Variants in AQR observed in about 807,000 individuals in gnomAD.
The protein encoded by AQR is aquarius intron-binding spliceosomal factor.
In AQR, 61 loss-of-function variants were observed where a neutral mutation model predicts 180.5. The observed-to-expected ratio is 0.34, with a 90% CI of 0.28 to 0.42. The LOEUF (loss-of-function observed/expected upper bound fraction) is 0.42, where lower values mean the gene tolerates loss of function less well. Among genes scored for constraint, AQR ranks in the 10% least tolerant of loss-of-function variants. The pLI is 1.00. For synonymous variants in AQR, 551 were observed against 588.8 expected, an observed-to-expected ratio of 0.94 and a Z score of 0.93; for missense variants, 1,281 against 1,798.3, an observed-to-expected ratio of 0.71 and a Z score of 5.20.
chr15:34,856,694 G>C lies in AQR; in HGVS notation c.*98C>G, dbSNP rs1178295050. The C allele has an allele frequency of 8.0e-6, 8 of 1,003,580 alleles. No homozygotes were observed. The highest frequency in any genetic ancestry group is 9.8e-6 in the Non-Finnish European group (7 of 714,442). 62.2% of individuals were successfully genotyped at this position (1,003,580 alleles called of 1,614,324 possible). On this transcript the variant is annotated 3_prime_UTR_variant, in exon 35 of 35. Coordinates refer to ENST00000156471, the MANE Select transcript of AQR (RefSeq NM_014691.3). ...AAATATAAGAACTAAACATTAATTA[G>C]TGACAGTAAAATGGCAGAAGCAAAT... is the stretch of plus-strand genomic sequence containing the variant.
At position 34,946,712 on chromosome 15, in the gene AQR, G is replaced by A. The variant is rs569810761; in HGVS notation, c.330+1552C>T. 1.9e-3 allele frequency among the ~76,000 whole-genome samples: 264 copies of A among 142,474 alleles called. 1 individual carries two copies. The highest frequency in any genetic ancestry group is 3.1e-3 in the Non-Finnish European group (196 of 63,770). 93.5% of individuals were successfully genotyped at this position (142,474 alleles called of 152,430 possible). Reference sequence around the variant, plus strand: ...GCCCGTCCGGGAGGGAGGTGGGGGGGTCAGCCCCCCACCCGGCCAGCCGCC... The same window carrying A: ...GCCCGTCCGGGAGGGAGGTGGGGGGATCAGCCCCCCACCCGGCCAGCCGCC... On this transcript the variant is annotated intron_variant, in intron 5 of 34. Transcript: ENST00000156471.
Position 34,855,713 on chromosome 15 carries a change from TGG to T in AQR, c.*1077_*1078del, listed in dbSNP as rs927077928. The T allele has an allele frequency of 2.0e-5, 3 of 152,154 alleles. No homozygotes were observed. Among genetic ancestry groups the T allele is most frequent in the African/African-American group, 7.2e-5 (3 of 41,418 alleles). 9.4% of individuals were successfully genotyped at this position (152,154 alleles called of 1,614,324 possible). Reference sequence around the variant, plus strand: ...AACTACAAAGTGCCTGTGAATCACCTGGGGACTTTGTTGCAATGTAGATTTAG... The same window carrying T: ...AACTACAAAGTGCCTGTGAATCACCTGGACTTTGTTGCAATGTAGATTTAG... On this transcript the variant is annotated 3_prime_UTR_variant, in exon 35 of 35. Coordinates refer to ENST00000156471, the MANE Select transcript of AQR (RefSeq NM_014691.3).
intron 32 of AQR, among the ~76,000 whole-genome samples, chr15:34,866,107 T>C (rs1356051091): frequency 1.3e-5 from 2 of 152,142 alleles, no homozygotes; most frequent in Non-Finnish European, 2.9e-5. Context: ...TAGGTTTCCT[T>C]GGTATCCTGA....
chr15:34,910,368 T>G, intron 16 of AQR, 55 bp from the exon 17 acceptor site: 2 of 1,580,568 alleles, frequency 1.3e-6, no homozygotes, highest in Non-Finnish European at 1.7e-6. Context: ...ATCCCCAACT[T>G]TTAGACAAGT....
Position 34,874,699 on chromosome 15 carries a change from C to A in AQR, c.3403G>T (p.Ala1135Ser). 3 of 1,613,620 alleles carry A rather than the reference C, an allele frequency of 1.9e-6. No homozygotes were observed. Among genetic ancestry groups the A allele is most frequent in the Non-Finnish European group, 2.5e-6 (3 of 1,179,714 alleles). Residue 1135 changes from alanine to serine, a missense_variant, in exon 29 of 35, where the codon GCT becomes TCT. Coordinates refer to ENST00000156471, the MANE Select transcript of AQR (RefSeq NM_014691.3). ...RVGVPTVDLD[A>S]QGRARASLCN... The stretch of plus-strand genomic sequence containing the variant: ...TACCTTGCTCTGGCTCTCCCTTGAG[C>A]ATCAAGGTCAACAGTCGGAACTCCA...
At chr15:34,880,867 G>T (rs1892962930) in intron 27 of AQR, among the ~76,000 whole-genome samples, 1 of 152,178 alleles carries the variant, frequency 6.6e-6, no homozygotes, top group African/African-American at 2.4e-5. Flanking sequence ...CTGGATAAAT[G>T]GGACGGATGA....
intron 17 of AQR, among the ~76,000 whole-genome samples, 170 bp from the exon 18 acceptor site, chr15:34,906,882 T>C (rs909027361): frequency 6.6e-6 from 1 of 152,306 alleles, no homozygotes; most frequent in African/African-American, 2.4e-5. Context: ...CTATAATCTT[T>C]AATACTCAAT....
At chr15:34,953,855 T>A (rs1894268137) in intron 3 of AQR, among the ~76,000 whole-genome samples, 1 of 152,258 alleles carries the variant, frequency 6.6e-6, no homozygotes, top group Non-Finnish European at 1.5e-5. Flanking sequence ...TAAGATAGAA[T>A]ACCAGTGTTC....
At chr15:34,948,232 A>G (rs779475499) in intron 5 of AQR, 32 bp downstream of exon 5, 6 of 1,611,060 alleles carry the variant, frequency 3.7e-6, no homozygotes, top group Non-Finnish European at 5.1e-6. Context: ...GTGGGTCAGT[A>G]TGAAAGCTAT....
intron 3 of AQR, among the ~76,000 whole-genome samples, chr15:34,959,905 C>T (rs371045165): frequency 2.0e-5 from 3 of 152,216 alleles, no homozygotes; most frequent in East Asian, 1.9e-4. Context: ...CTTTGGAAGG[C>T]CAAGGCAGGT....
At chr15:34,952,941 A>C (rs763465939) in intron 3 of AQR, 21 bp from the exon 4 acceptor site, 2 of 1,299,710 alleles carry the variant, frequency 1.5e-6, no homozygotes, top group African/African-American at 1.5e-5. Flanking sequence ...AAAAATAAAT[A>C]AAATGTTTAA....
intron 27 of AQR, 27 bp downstream of exon 27, chr15:34,882,475 A>G (rs767866340): frequency 2.0e-5 from 29 of 1,450,640 alleles, no homozygotes; most frequent in Admixed American, 2.9e-5. Context: ...TAAAAAAAAA[A>G]AAAAAAAAAC....
intron 5 of AQR, 83 bp from the exon 6 acceptor site, chr15:34,944,511 T>C: frequency 7.2e-7 from 1 of 1,392,918 alleles, no homozygotes. Context: ...TTTTTAGCAG[T>C]CTATTAAAAA....
Position 34,855,085 on chromosome 15 carries a change from T to C in AQR, c.*1707A>G, listed in dbSNP as rs560804541. The C allele has an allele frequency of 3.9e-5, 6 of 152,370 alleles. 1 individual carries two copies. In the South Asian group the frequency reaches 1.0e-3, roughly 26 times the overall value. The allele number at this position is 152,370 out of a possible 1,614,324, so 9.4% of individuals were successfully genotyped here. A position where few individuals can be genotyped will look rare whatever the true frequency, so the allele number is the denominator to read the frequency against. ...TGATAACAAATAGACCTGGGTTTCC[T>C]AGTATCGCGTCCTTGGTATTTCACT... On this transcript the variant is annotated 3_prime_UTR_variant, in exon 35 of 35. Transcript: ENST00000156471.
intron 34 of AQR, among the ~76,000 whole-genome samples, chr15:34,857,495 T>A (rs1376514455): frequency 1.3e-5 from 2 of 151,918 alleles, no homozygotes; most frequent in Non-Finnish European, 2.9e-5. Flanking sequence ...CATGGTGGCA[T>A]TCCCGGCACT....
At chr15:34,859,394 A>C (rs1003861989) in intron 34 of AQR, among the ~76,000 whole-genome samples, 3 of 152,210 alleles carry the variant, frequency 2.0e-5, no homozygotes, top group African/African-American at 7.2e-5. Flanking sequence ...AAGACGTACC[A>C]TATCAAGTGA....
intron 16 of AQR, 53 bp downstream of exon 16, chr15:34,914,984 GT>G: frequency 6.6e-7 from 1 of 1,517,466 alleles, no homozygotes; most frequent in Non-Finnish European, 8.8e-7. Context: ...TCTGACAGAA[GT>G]TTATCAGTCA....
chr15:34,944,036 T>C (rs951896350), intron 6 of AQR, among the ~76,000 whole-genome samples: 1 of 152,238 alleles, frequency 6.6e-6, no homozygotes, highest in African/African-American at 2.4e-5. Flanking sequence ...ATCATTTTTC[T>C]TAAGAGTCTA....
intron 33 of AQR, among the ~76,000 whole-genome samples, 178 bp downstream of exon 33, chr15:34,862,689 C>T (rs527464152): frequency 2.8e-4 from 43 of 152,212 alleles, no homozygotes; most frequent in Admixed American, 2.5e-3. Context: ...TAAGCCACTG[C>T]GCCCTACCGA....
Sources: allele counts gnomAD v4.1 joint callset (sites outside exome capture counted in the v4.1 genomes callset), GRCh38; gene constraint gnomAD v4.1.1; transcripts MANE v1.5; gene names NCBI Gene and HGNC (gene_info 2026-07-23, HGNC 2026-07-21).